Variants in RIMS2 observed in about 807,000 individuals in gnomAD.
The protein encoded by RIMS2 is regulating synaptic membrane exocytosis protein 2.
A neutral mutation model predicts 174.4 loss-of-function variants in RIMS2; 59 were observed. That is an observed-to-expected ratio of 0.34 (90% CI 0.27 to 0.42). The LOEUF (loss-of-function observed/expected upper bound fraction) is 0.42. Ranked by LOEUF, RIMS2 falls within the 10% of genes least tolerant of loss-of-function variation. The pLI is 1.00. For missense variants in RIMS2, 1,620 were observed against 1,666.3 expected, an observed-to-expected ratio of 0.97 and a Z score of 0.48; for synonymous variants, 606 against 572.5, an observed-to-expected ratio of 1.06 and a Z score of -0.84.
At chr8:103,545,596 G>A (rs186136782) in intron 1 of RIMS2, among the ~76,000 whole-genome samples, 20 of 152,244 alleles carry the variant, frequency 1.3e-4, no homozygotes, top group African/African-American at 4.1e-4. Context: ...AGGTCGAAAT[G>A]AAAGAAAAAA....
At chr8:103,529,938 C>A (rs557420760) in intron 1 of RIMS2, among the ~76,000 whole-genome samples, 1 of 152,234 alleles carries the variant, frequency 6.6e-6, no homozygotes, top group South Asian at 2.1e-4. Context: ...CTATGGAAGG[C>A]TAACTGTACT....
At chr8:103,796,868 G>T (rs1204756065) in intron 3 of RIMS2, among the ~76,000 whole-genome samples, 9 of 152,164 alleles carry the variant, frequency 5.9e-5, no homozygotes, top group African/African-American at 1.4e-4. Context: ...AACTCCAGGG[G>T]GCACAATTCA....
chr8:104,189,761 TAA>T (rs1217963424), intron 19 of RIMS2, among the ~76,000 whole-genome samples: 2 of 151,816 alleles, frequency 1.3e-5, no homozygotes, highest in African/African-American at 4.8e-5. Context: ...GTATATATTT[TAA>T]GTTAATTATT....
intron 3 of RIMS2, among the ~76,000 whole-genome samples, chr8:103,822,327 A>C (rs2098757054): frequency 1.3e-5 from 2 of 151,808 alleles, no homozygotes; most frequent in Non-Finnish European, 1.5e-5. Flanking sequence ...GCAATAAAAC[A>C]TTAAATGATG....
At chr8:103,895,307 T>G (rs901313620) in intron 4 of RIMS2, among the ~76,000 whole-genome samples, 1 of 151,538 alleles carries the variant, frequency 6.6e-6, no homozygotes. Context: ...ATAGACTGGA[T>G]AGCTTAAAAA....
At chr8:103,726,920 A>T (rs973880189) in intron 2 of RIMS2, among the ~76,000 whole-genome samples, 3 of 150,662 alleles carry the variant, frequency 2.0e-5, no homozygotes, top group African/African-American at 7.3e-5. Context: ...TGTATTTTTA[A>T]TAGAGACGGG....
intron 1 of RIMS2, among the ~76,000 whole-genome samples, chr8:103,641,534 C>T (rs117654174): frequency 1.3e-5 from 2 of 152,166 alleles, no homozygotes; most frequent in East Asian, 3.9e-4. Flanking sequence ...TCTCGTGATG[C>T]TATAGCTTGG....
chr8:103,974,167 G>A (rs1021238188), intron 15 of RIMS2, among the ~76,000 whole-genome samples: 8 of 152,120 alleles, frequency 5.3e-5, no homozygotes, highest in Admixed American at 5.2e-4. Context: ...CTTCCTGAGG[G>A]CACTACTTCA....
At chr8:104,247,664 A>G (rs1414932106) in intron 20 of RIMS2, among the ~76,000 whole-genome samples, 1 of 152,228 alleles carries the variant, frequency 6.6e-6, no homozygotes, top group Non-Finnish European at 1.5e-5. Flanking sequence ...ATCTTTTGAC[A>G]GGACCAGAGT....
intron 3 of RIMS2, among the ~76,000 whole-genome samples, chr8:103,775,672 A>G (rs1488219523): frequency 6.6e-6 from 1 of 152,144 alleles, no homozygotes; most frequent in Non-Finnish European, 1.5e-5. Flanking sequence ...TGATTAATCA[A>G]TAGACTTGAA....
intron 19 of RIMS2, among the ~76,000 whole-genome samples, chr8:104,211,461 A>G (rs1164875914): frequency 6.6e-6 from 1 of 152,164 alleles, no homozygotes; most frequent in Non-Finnish European, 1.5e-5. Flanking sequence ...ATAAAATTAG[A>G]CATACAGGTC....
chr8:104,197,817 T>C (rs1198210611), intron 19 of RIMS2, among the ~76,000 whole-genome samples: 1 of 152,048 alleles, frequency 6.6e-6, no homozygotes, highest in Admixed American at 6.6e-5. Context: ...ATTTTAGCTT[T>C]TGTTCTAAGT....
intron 1 of RIMS2, among the ~76,000 whole-genome samples, chr8:103,537,248 C>T (rs918712614): frequency 3.3e-5 from 5 of 152,152 alleles, no homozygotes; most frequent in African/African-American, 1.2e-4. Flanking sequence ...CAGAAATTAA[C>T]AGTGATTATA....
intron 2 of RIMS2, among the ~76,000 whole-genome samples, chr8:103,729,650 T>G (rs901998599): frequency 6.6e-6 from 1 of 150,724 alleles, no homozygotes; most frequent in Non-Finnish European, 1.5e-5. Flanking sequence ...TAGTTTATTT[T>G]AAGTTTTTCT....
chr8:104,126,685 G>A (rs1038227952), intron 19 of RIMS2, among the ~76,000 whole-genome samples: 1 of 152,218 alleles, frequency 6.6e-6, no homozygotes, highest in Non-Finnish European at 1.5e-5. Flanking sequence ...GCCTACCATA[G>A]GGTAAGCTTT....
In RIMS2 at chr8:103,651,007, G is replaced by A. The variant is rs78756327; in HGVS notation, c.177-46079G>A. On this transcript the variant is annotated intron_variant, in intron 1 of 23. Coordinates refer to ENST00000504942, the Ensembl canonical transcript of RIMS2. ...GATCTCCTGCCTTGATGCAGATTCCGGGGCCAAAGTATGCAAAACTCCTGG... is the reference window on the plus strand; with the variant it reads ...GATCTCCTGCCTTGATGCAGATTCCAGGGCCAAAGTATGCAAAACTCCTGG... Among the ~76,000 whole-genome samples, 947 of 152,290 alleles carry A rather than the reference G, an allele frequency of 6.2e-3. 12 individuals carry two copies. The highest frequency in any genetic ancestry group is 0.021 in the African/African-American group (892 of 41,570).
intron 3 of RIMS2, among the ~76,000 whole-genome samples, chr8:103,812,898 A>G (rs879741645): frequency 6.6e-6 from 1 of 152,214 alleles, no homozygotes; most frequent in Non-Finnish European, 1.5e-5. Context: ...TCTTTCTTAT[A>G]GCCTTTAGAT....
In RIMS2 at chr8:103,894,389, A is replaced by C. The variant is rs552295892; in HGVS notation, c.1624+8166A>C. Among the ~76,000 whole-genome samples the C allele has an allele frequency of 2.6e-5, 4 of 151,774 alleles. No homozygotes were observed. The East Asian group carries it at 5.8e-4, about 22-fold the overall frequency. On this transcript the variant is annotated intron_variant, in intron 4 of 23. Coordinates refer to ENST00000504942, the Ensembl canonical transcript of RIMS2. ...ATACAAAGAAACCTCCGTATTTCAA[A>C]ATTTGTTTAATTGTGCAGTTGAGGA...
intron 1 of RIMS2, among the ~76,000 whole-genome samples, chr8:103,545,116 T>C (rs968673444): frequency 1.3e-5 from 2 of 152,016 alleles, no homozygotes; most frequent in Admixed American, 6.5e-5. Context: ...AGGAGAAAGA[T>C]GAAACTCAAT....
Sources: gnomAD v4.1 joint callset for allele counts (sites outside exome capture counted in the v4.1 genomes callset) on GRCh38, gnomAD v4.1.1 for gene constraint, MANE v1.5 for transcripts, NCBI Gene and HGNC (gene_info 2026-07-23, HGNC 2026-07-21) for gene names.